The following KLRG1 variants were observed in gnomAD, a reference collection of about 807,000 sequenced individuals.
The protein encoded by KLRG1 is killer cell lectin-like receptor subfamily G member 1.
KLRG1 carries 16 observed loss-of-function variants against 21.8 expected under a neutral mutation model. That is an observed-to-expected ratio of 0.73 (90% CI 0.50 to 1.11). KLRG1 has a LOEUF of 1.11. Among genes scored for constraint, KLRG1 ranks in the 50% most tolerant of loss-of-function variants. The pLI, the probability that KLRG1 is intolerant of heterozygous loss-of-function variation, is 0.00. For missense variants in KLRG1, 173 were observed against 218.3 expected (o/e 0.79, Z 1.31); for synonymous variants, 69 against 75.9 (o/e 0.91, Z 0.47).
the KLRG1 span, among the ~76,000 whole-genome samples, chr12:9,214,463 G>A: frequency 2.0e-5 from 3 of 151,956 alleles, no homozygotes; most frequent in African/African-American, 7.2e-5. Context: ...CTTCCAACTC[G>A]TGAGCATGGA....
chr12:9,025,737 G>A, the KLRG1 span, among the ~76,000 whole-genome samples: 9 of 152,342 alleles, frequency 5.9e-5, no homozygotes, highest in South Asian at 1.9e-3. Flanking sequence ...ACTGGAAGAA[G>A]TAACCTTGGG....
chr12:9,164,372 AT>A, the KLRG1 span: 1 of 1,156,844 alleles, frequency 8.6e-7, no homozygotes. Flanking sequence ...TGTAAGAAAA[AT>A]GTATGTCACA....
the KLRG1 span, among the ~76,000 whole-genome samples, chr12:9,039,719 G>A: frequency 6.6e-6 from 1 of 152,164 alleles, no homozygotes; most frequent in Non-Finnish European, 1.5e-5. Context: ...CCAATCAAGG[G>A]TAAAGTCTCT....
At chr12:9,195,878 T>C in the KLRG1 span, among the ~76,000 whole-genome samples, 7 of 146,422 alleles carry the variant, frequency 4.8e-5, no homozygotes, top group Non-Finnish European at 1.1e-4. Context: ...ATAATAATAA[T>C]AACCATGAAA....
At chr12:9,160,355 G>A in the KLRG1 span, 286,112 of 1,613,548 alleles carry the variant, frequency 0.18, 28,377 homozygotes, top group East Asian at 0.42. Context: ...GATCTCCTGC[G>A]TCAGCTGCTG....
At chr12:9,125,713 G>A in the KLRG1 span, among the ~76,000 whole-genome samples, 11 of 152,232 alleles carry the variant, frequency 7.2e-5, 1 homozygote, top group South Asian at 1.0e-3. Context: ...AAAATAGTGC[G>A]TGTATGTATA....
At chr12:9,044,116 T>G in the KLRG1 span, among the ~76,000 whole-genome samples, 562 of 152,312 alleles carry the variant, frequency 3.7e-3, 2 homozygotes, top group African/African-American at 0.013. Flanking sequence ...GGGGTGGTTT[T>G]TTATACAGTA....
chr12:9,003,057 C>T (rs1947353434), intron 3 of KLRG1, among the ~76,000 whole-genome samples: 2 of 151,990 alleles, frequency 1.3e-5, no homozygotes, highest in South Asian at 4.1e-4. Flanking sequence ...CAATATCCAG[C>T]CTCACCAATG....
chr12:9,212,267 T>G, the KLRG1 span, among the ~76,000 whole-genome samples: 6 of 152,206 alleles, frequency 3.9e-5, no homozygotes, highest in South Asian at 1.0e-3. Context: ...TGAGAGGGCC[T>G]GGAGCCAGTA....
At chr12:9,189,044 A>C in the KLRG1 span, among the ~76,000 whole-genome samples, 3 of 152,240 alleles carry the variant, frequency 2.0e-5, no homozygotes, top group East Asian at 5.8e-4. Context: ...GATAGGAAGA[A>C]TCAATATCAT....
At chr12:9,206,262 AATTT>A in the KLRG1 span, among the ~76,000 whole-genome samples, 12 of 151,464 alleles carry the variant, frequency 7.9e-5, no homozygotes, top group African/African-American at 2.9e-4. Flanking sequence ...ATATATTTAT[AATTT>A]ATTTACTATT....
chr12:9,170,240 C>T, the KLRG1 span: 1 of 152,142 alleles, frequency 6.6e-6, no homozygotes, highest in Non-Finnish European at 1.5e-5. The surrounding 1 kb of genome is among the most constrained non-coding windows in gnomAD (Gnocchi z 4.6). Flanking sequence ...TGTGCGACCT[C>T]GCCTGGGAAA....
chr12:9,130,725 A>T, the KLRG1 span, among the ~76,000 whole-genome samples: 2 of 149,234 alleles, frequency 1.3e-5, no homozygotes, highest in Admixed American at 6.7e-5. Flanking sequence ...TTCTTTGTAA[A>T]TTTTTTTTTC....
chr12:9,023,818 G>A, the KLRG1 span, among the ~76,000 whole-genome samples: 1 of 151,824 alleles, frequency 6.6e-6, no homozygotes, highest in East Asian at 1.9e-4. Context: ...GGCCTCCTGG[G>A]CTGCTGGGAT....
chr12:9,008,333 T>C (rs781462319), intron 3 of KLRG1, among the ~76,000 whole-genome samples: 1 of 152,334 alleles, frequency 6.6e-6, no homozygotes, highest in East Asian at 1.9e-4. Context: ...CAATGGAAGG[T>C]AGAGATGTAA....
the KLRG1 span, chr12:9,089,204 T>C: frequency 6.3e-7 from 1 of 1,586,946 alleles, no homozygotes; most frequent in Non-Finnish European, 8.6e-7. Flanking sequence ...TCTTACCTGA[T>C]GGACAAAGTA....
chr12:9,194,528 G>A, the KLRG1 span, among the ~76,000 whole-genome samples: 47 of 143,988 alleles, frequency 3.3e-4, no homozygotes, highest in Non-Finnish European at 4.8e-4. Context: ...GCAGTGGCGC[G>A]ATCTCGGCTC....
At chr12:8,971,342 C>T (rs1946563820) in intron 1 of KLRG1, 1 of 151,616 alleles carries the variant, frequency 6.6e-6, no homozygotes, top group Non-Finnish European at 1.5e-5. Flanking sequence ...AATTTGTCTA[C>T]TTAATCTAAC....
At chr12:9,016,861 G>A in the KLRG1 span, among the ~76,000 whole-genome samples, 5 of 152,012 alleles carry the variant, frequency 3.3e-5, no homozygotes, top group Admixed American at 2.0e-4. Flanking sequence ...TGATCCACCT[G>A]CCTCAGCCTC....
Sources: gnomAD v4.1 joint callset for allele counts (sites outside exome capture counted in the v4.1 genomes callset) on GRCh38, gnomAD v4.1.1 for gene constraint, Gnocchi (gnomAD v3.1) non-coding constraint, MANE v1.5 for transcripts, NCBI Gene and HGNC (gene_info 2026-07-23, HGNC 2026-07-21) for gene names.